The following NPBWR2 variants were observed in gnomAD, a reference collection of about 807,000 sequenced individuals.
The protein encoded by NPBWR2 is neuropeptides B and W receptor 2.
For missense variants in NPBWR2, 390 were observed against 458.2 expected, an observed-to-expected ratio of 0.85 and a Z score of 1.36; for synonymous variants, 207 against 223.5, an observed-to-expected ratio of 0.93 and a Z score of 0.66.
rs113169293 is a variant in NPBWR2, at chr20:64,104,906, C to G, written c.*924G>C. Among the ~76,000 whole-genome samples the G allele has an allele frequency of 1.4e-5, 2 of 145,642 alleles. No individual in the cohort carries two copies. The highest frequency in any genetic ancestry group is 5.0e-5 in the African/African-American group (2 of 40,252). On this transcript the variant is annotated 3_prime_UTR_variant, in exon 2 of 2. Coordinates refer to ENST00000684052, the MANE Select transcript of NPBWR2 (RefSeq NM_005286.4). ...GAGCACAGGCCATGGAGAGGACTGTCGGACACAGCAGGGCGGGTACAGGCC... is the reference window on the plus strand; with the variant it reads ...GAGCACAGGCCATGGAGAGGACTGTGGGACACAGCAGGGCGGGTACAGGCC...
At position 64,106,072 on chromosome 20, in the gene NPBWR2, C is replaced by T. The variant is rs752212517; in HGVS notation, c.760G>A (p.Ala254Thr). Residue 254 changes from alanine to threonine, a missense_variant, in exon 2 of 2, where the codon GCC becomes ACC. By Grantham distance (58) the Ala-to-Thr change is moderately conservative. Transcript: ENST00000684052. This position sits in a 1 kb window ranked among gnomAD's most constrained non-coding sequence, Gnocchi z 9.5. The part of the protein sequence containing the change: ...LRSGAKALGK[A>T]RRKVTVLVLV... ...ACCAGGACGGTCACCTTCCGCCTGG[C>T]CTTGCCTAGAGCCTTGGCTCCAGAG... 2 of 1,610,688 alleles carry T rather than the reference C, an allele frequency of 1.2e-6. 1 individual carries two copies. The highest frequency in any genetic ancestry group is 2.2e-5 in the South Asian group (2 of 91,002).
chr20:64,105,597 G>A lies in NPBWR2; in HGVS notation c.*233C>T, dbSNP rs1394191739. 2.6e-4 allele frequency among the ~76,000 whole-genome samples: 1 copy of A among 3,866 alleles called. No homozygotes were observed. The highest frequency in any genetic ancestry group is 1.0e-3 in the African/African-American group (1 of 1,000). 2.5% of individuals were successfully genotyped at this position (3,866 alleles called of 152,430 possible). A position where few individuals can be genotyped will look rare whatever the true frequency, so the allele number is the denominator to read the frequency against. On this transcript the variant is annotated 3_prime_UTR_variant, in exon 2 of 2. Transcript: ENST00000684052. The stretch of plus-strand genomic sequence containing the variant: ...GGTGGGGGTGGGGGTGGGGGTGATG[G>A]TGGGCGTGATGGTGGGGGTGGGGGT...
rs1322665839 is a variant in NPBWR2, at chr20:64,104,747, G to A, written c.*1083C>T. ...GGGAGTATAGGGGAGCACAGGCCAT[G>A]GTGAGGACTGTCGGCCACAGCAGGG... is the stretch of plus-strand genomic sequence containing the variant. On this transcript the variant is annotated 3_prime_UTR_variant, in exon 2 of 2. Transcript: ENST00000684052. Among the ~76,000 whole-genome samples the A allele has an allele frequency of 2.6e-4, 35 of 134,494 alleles. No homozygotes were observed. The highest frequency in any genetic ancestry group is 8.5e-4 in the African/African-American group (31 of 36,492). 88.2% of individuals were successfully genotyped at this position (134,494 alleles called of 152,430 possible). A position where few individuals can be genotyped will look rare whatever the true frequency, so the allele number is the denominator to read the frequency against.
chr20:64,104,994 C>T lies in NPBWR2; in HGVS notation c.*836G>A, dbSNP rs549831608. Among the ~76,000 whole-genome samples the T allele has an allele frequency of 3.7e-4, 56 of 152,280 alleles. No homozygotes were observed. Among genetic ancestry groups the T allele is most frequent in the Non-Finnish European group, 6.6e-4 (45 of 68,014 alleles). On this transcript the variant is annotated 3_prime_UTR_variant, in exon 2 of 2. Coordinates refer to ENST00000684052, the MANE Select transcript of NPBWR2 (RefSeq NM_005286.4). ...CAGCACAGGCCATGGCACATGGGCA[C>T]GGCGGGGCTGGGCCTCCTGCTGGAA...
In NPBWR2 at chr20:64,107,142, C is replaced by G. The variant is rs1043181630; in HGVS notation, c.-91-220G>C. ...GCAGAGAGCAGCTGCTGGCCACCCTCCTGGGAAGAGATGTGGATCCGTCCC... is the reference window on the plus strand; with the variant it reads ...GCAGAGAGCAGCTGCTGGCCACCCTGCTGGGAAGAGATGTGGATCCGTCCC... On this transcript the variant is annotated intron_variant, in intron 1 of 1. Transcript: ENST00000684052. This position sits in a 1 kb window ranked among gnomAD's most constrained non-coding sequence, Gnocchi z 6.3. 2.0e-6 allele frequency: 1 copy of G among 493,088 alleles called. No homozygotes were observed. Among genetic ancestry groups the G allele is most frequent in the African/African-American group, 1.9e-5 (1 of 52,088 alleles). 30.5% of individuals were successfully genotyped at this position (493,088 alleles called of 1,614,324 possible).
In NPBWR2 at chr20:64,105,778, T is replaced by TGGGCGTAAC. The variant is rs1215752036; in HGVS notation, c.*51_*52insGTTACGCCC. ...GGCATGATGATGATGGGCGTGATGATGATGGGGGGTGATGATGGGCATGAT... is the reference window on the plus strand; with the variant it reads ...GGCATGATGATGATGGGCGTGATGATGGGCGTAACGATGGGGGGTGATGATGGGCATGAT... On this transcript the variant is annotated 3_prime_UTR_variant, in exon 2 of 2. Coordinates refer to ENST00000684052, the MANE Select transcript of NPBWR2 (RefSeq NM_005286.4). 8.4e-7 allele frequency: 1 copy of TGGGCGTAAC among 1,187,922 alleles called. No homozygotes were observed. The highest frequency in any genetic ancestry group is 1.1e-6 in the Non-Finnish European group (1 of 908,176). The allele number at this position is 1,187,922 out of a possible 1,614,324, so 73.6% of individuals were successfully genotyped here. A position where few individuals can be genotyped will look rare whatever the true frequency, so the allele number is the denominator to read the frequency against.
Position 64,105,674 on chromosome 20 carries a change from C to CGTGATGATGGGGGTGGTGGTGGGG in NPBWR2, c.*132_*155dup. On this transcript the variant is annotated 3_prime_UTR_variant, in exon 2 of 2. Transcript: ENST00000684052. ...TGATGGGGGTGGGCATGATGATGGGCGTGATGATGGGGGTGGTGGTGGGGG... is the reference window on the plus strand; with the variant it reads ...TGATGGGGGTGGGCATGATGATGGGCGTGATGATGGGGGTGGTGGTGGGGGTGATGATGGGGGTGGTGGTGGGGG... 1 of 310,394 alleles carries CGTGATGATGGGGGTGGTGGTGGGG rather than the reference C, an allele frequency of 3.2e-6. No homozygotes were observed. The highest frequency in any genetic ancestry group is 6.3e-5 in the Admixed American group (1 of 15,836). 19.2% of individuals were successfully genotyped at this position (310,394 alleles called of 1,614,324 possible). A position where few individuals can be genotyped will look rare whatever the true frequency, so the allele number is the denominator to read the frequency against.
In NPBWR2 at chr20:64,107,085, G is replaced by T. The variant is rs927867496; in HGVS notation, c.-91-163C>A. ...GGGGGCCTCCTCCCGCCTCTTCCTG[G>T]TGAGACTTCAGCAGATCAGTTCCCT... On this transcript the variant is annotated intron_variant, in intron 1 of 1. Transcript: ENST00000684052. The surrounding 1 kb of genome is among the most constrained non-coding windows in gnomAD (Gnocchi z 6.3). 3 of 596,930 alleles carry T rather than the reference G, an allele frequency of 5.0e-6. No homozygotes were observed. Among genetic ancestry groups the T allele is most frequent in the Middle Eastern group, 4.6e-4 (1 of 2,184 alleles). The allele number at this position is 596,930 out of a possible 1,614,324, so 37.0% of individuals were successfully genotyped here. A position where few individuals can be genotyped will look rare whatever the true frequency, so the allele number is the denominator to read the frequency against.
chr20:64,106,770 A>G lies in NPBWR2; in HGVS notation c.62T>C (p.Met21Thr), dbSNP rs1980069705. 6.2e-7 allele frequency: 1 copy of G among 1,612,694 alleles called. No individual in the cohort carries two copies. Among genetic ancestry groups the G allele is most frequent in the Non-Finnish European group, 8.5e-7 (1 of 1,179,944 alleles). The change falls in exon 2 of 2, where the codon ATG (methionine) becomes ACG (threonine). Residue 21 changes from methionine (M) to threonine (T), a missense_variant. By Grantham distance (81) the Met-to-Thr change is moderately conservative. Transcript: ENST00000684052. This position sits in a 1 kb window ranked among gnomAD's most constrained non-coding sequence, Gnocchi z 9.5. ...ATTGTCCTGAGAGACGTTGGCACCCATCGTGGGGAGGGAGAAGGAGCCCCT... is the reference window on the plus strand; with the variant it reads ...ATTGTCCTGAGAGACGTTGGCACCCGTCGTGGGGAGGGAGAAGGAGCCCCT... ...DSRGSFSLPT[M>T]GANVSQDNGT...
chr20:64,105,041 C>T lies in NPBWR2; in HGVS notation c.*789G>A, dbSNP rs762554876. Among the ~76,000 whole-genome samples the T allele has an allele frequency of 2.0e-5, 3 of 152,028 alleles. No homozygotes were observed. The highest frequency in any genetic ancestry group is 4.4e-5 in the Non-Finnish European group (3 of 67,956). On this transcript the variant is annotated 3_prime_UTR_variant, in exon 2 of 2. Transcript: ENST00000684052. ...GGAACTCCACTTGGGCTTCAGGCCA[C>T]GAGAGTGGATTTCTGGGTCTCATGC... is the stretch of plus-strand genomic sequence containing the variant.
At position 64,105,375 on chromosome 20, in the gene NPBWR2, G is replaced by A. The variant is rs1438716475; in HGVS notation, c.*455C>T. Among the ~76,000 whole-genome samples the A allele has an allele frequency of 6.7e-6, 1 of 149,510 alleles. No individual in the cohort carries two copies. The highest frequency in any genetic ancestry group is 2.5e-5 in the African/African-American group (1 of 40,292). On this transcript the variant is annotated 3_prime_UTR_variant, in exon 2 of 2. Coordinates refer to ENST00000684052, the MANE Select transcript of NPBWR2 (RefSeq NM_005286.4). The stretch of plus-strand genomic sequence containing the variant: ...GGGGCTGTCCAGGAAGCAGAGACAT[G>A]GGAGGTATATGCCCACGGCTGTCTG...
chr20:64,106,879 C>G lies in NPBWR2; in HGVS notation c.-48G>C, dbSNP rs761625464. The G allele has an allele frequency of 6.3e-7, 1 of 1,578,286 alleles. No individual in the cohort carries two copies. The highest frequency in any genetic ancestry group is 8.6e-7 in the Non-Finnish European group (1 of 1,159,388). ...TTGCGCCCTGGGCAGGTGGGAGGTG[C>G]CTTGGAGTTGGGTATCTGGTTGGGG... On this transcript the variant is annotated 5_prime_UTR_variant, in exon 2 of 2. Transcript: ENST00000684052. The surrounding 1 kb of genome is among the most constrained non-coding windows in gnomAD (Gnocchi z 9.5).
chr20:64,106,092 C>T lies in NPBWR2; in HGVS notation c.740G>A (p.Gly247Glu), dbSNP rs377410883. ...CCTGGCCTTGCCTAGAGCCTTGGCTCCAGAGCGGAGCCGCACGGCCCGCAG... is the reference window on the plus strand; with the variant it reads ...CCTGGCCTTGCCTAGAGCCTTGGCTTCAGAGCGGAGCCGCACGGCCCGCAG... ...RRLRAVRLRS[G>E]AKALGKARRK... is the part of the protein sequence containing the mutation. The change falls in exon 2 of 2, where the codon GGA (glycine) becomes GAA (glutamate). Residue 247 changes from glycine to glutamate, a missense_variant. Physicochemically the swap from Gly to Glu is moderately conservative, Grantham distance 98. Coordinates refer to ENST00000684052, the MANE Select transcript of NPBWR2 (RefSeq NM_005286.4). This position sits in a 1 kb window ranked among gnomAD's most constrained non-coding sequence, Gnocchi z 9.5. 5 of 1,611,196 alleles carry T rather than the reference C, an allele frequency of 3.1e-6. No homozygotes were observed. In the African/African-American group the frequency reaches 6.7e-5, roughly 22 times the overall value.
rs1979980190 is a variant in NPBWR2, at chr20:64,105,700, TGATGGTGGGGGTGGTGGTGGGGGTG to T, written c.*105_*129del. 9.0e-6 allele frequency: 3 copies of T among 332,326 alleles called. No individual in the cohort carries two copies. The African/African-American group carries it at 2.4e-4, about 26-fold the overall frequency. The allele number at this position is 332,326 out of a possible 1,614,324, so 20.6% of individuals were successfully genotyped here. A position where few individuals can be genotyped will look rare whatever the true frequency, so the allele number is the denominator to read the frequency against. ...GTGATGATGGGGGTGGTGGTGGGGG[TGATGGTGGGGGTGGTGGTGGGGGTG>T]GGGGGGGGTGGGCCTGATGGGGGTG... On this transcript the variant is annotated 3_prime_UTR_variant, in exon 2 of 2. Coordinates refer to ENST00000684052, the MANE Select transcript of NPBWR2 (RefSeq NM_005286.4).
At position 64,104,929 on chromosome 20, in the gene NPBWR2, G is replaced by A. The variant is rs1979911937; in HGVS notation, c.*901C>T. The stretch of plus-strand genomic sequence containing the variant: ...GTCGGACACAGCAGGGCGGGTACAG[G>A]CCATGGCAAGGACCGTCGGCCACAG... On this transcript the variant is annotated 3_prime_UTR_variant, in exon 2 of 2. Transcript: ENST00000684052. Among the ~76,000 whole-genome samples the A allele has an allele frequency of 6.6e-6, 1 of 150,978 alleles. No individual in the cohort carries two copies. The highest frequency in any genetic ancestry group is 1.5e-5 in the Non-Finnish European group (1 of 67,596).
rs1569285657 is a variant in NPBWR2 at position 64,105,718 on chromosome 20, TGGG to T, written c.*109_*111del. 3.1e-6 allele frequency: 1 copy of T among 318,802 alleles called. No individual in the cohort carries two copies. Among genetic ancestry groups the T allele is most frequent in the African/African-American group, 1.1e-4 (1 of 9,450 alleles). The allele number at this position is 318,802 out of a possible 1,614,324, so 19.7% of individuals were successfully genotyped here. ...GTGGGGGTGATGGTGGGGGTGGTGG[TGGG>T]GGTGGGGGGGGGTGGGCCTGATGGG... On this transcript the variant is annotated 3_prime_UTR_variant, in exon 2 of 2. Coordinates refer to ENST00000684052, the MANE Select transcript of NPBWR2 (RefSeq NM_005286.4).
In NPBWR2 at chr20:64,106,046, G is replaced by C; in HGVS notation, c.786C>G (p.Val262=). The change falls in exon 2 of 2, where the codon GTC becomes GTG. Residue 262 remains valine, a synonymous_variant. Transcript: ENST00000684052. This position sits in a 1 kb window ranked among gnomAD's most constrained non-coding sequence, Gnocchi z 9.5. ...GGAGGCACACGGCCAGCACGACGAG[G>C]ACCAGGACGGTCACCTTCCGCCTGG... ...GKARRKVTVL[V]LVVLAVCLLC... 6.2e-7 allele frequency: 1 copy of C among 1,610,760 alleles called. No homozygotes were observed. The highest frequency in any genetic ancestry group is 1.1e-5 in the South Asian group (1 of 91,046).
rs1979981346 is a variant in NPBWR2, at chr20:64,105,705, G to GGGCGTGATGA, written c.*124_*125insTCATCACGCC. 3 of 385,518 alleles carry GGGCGTGATGA rather than the reference G, an allele frequency of 7.8e-6. No individual in the cohort carries two copies. In the African/African-American group the frequency reaches 1.8e-4, roughly 23 times the overall value. The allele number at this position is 385,518 out of a possible 1,614,324, so 23.9% of individuals were successfully genotyped here. ...GATGGGGGTGGTGGTGGGGGTGATG[G>GGGCGTGATGA]TGGGGGTGGTGGTGGGGGTGGGGGG... On this transcript the variant is annotated 3_prime_UTR_variant, in exon 2 of 2. Transcript: ENST00000684052.
rs1569285778 is a variant in NPBWR2 at position 64,105,782 on chromosome 20, G to GGGGGTGATGGT, written c.*47_*48insACCATCACCCC. 3 of 1,309,192 alleles carry GGGGGTGATGGT rather than the reference G, an allele frequency of 2.3e-6. No individual in the cohort carries two copies. Among genetic ancestry groups the GGGGGTGATGGT allele is most frequent in the Middle Eastern group, 2.3e-4 (1 of 4,398 alleles). The allele number at this position is 1,309,192 out of a possible 1,614,324, so 81.1% of individuals were successfully genotyped here. ...TGATGATGATGGGCGTGATGATGAT[G>GGGGGTGATGGT]GGGGGTGATGATGGGCATGATGATG... On this transcript the variant is annotated 3_prime_UTR_variant, in exon 2 of 2. Transcript: ENST00000684052.
Sources: gnomAD v4.1 joint callset for allele counts (sites outside exome capture counted in the v4.1 genomes callset) on GRCh38, gnomAD v4.1.1 for gene constraint, Gnocchi (gnomAD v3.1) non-coding constraint, MANE v1.5 for transcripts, NCBI Gene and HGNC (gene_info 2026-07-23, HGNC 2026-07-21) for gene names.